Variants in MYH9 observed in about 807,000 individuals in gnomAD.
MYH9 encodes myosin-9.
Under a neutral mutation model 241.9 loss-of-function variants are expected in MYH9, and 29 were observed. That is an observed-to-expected ratio of 0.12 (90% CI 0.09 to 0.16). MYH9 has a LOEUF of 0.16. MYH9 is among the 10% of genes least tolerant of loss of function. MYH9 has a pLI of 1.00. For synonymous variants in MYH9, 1,047 were observed against 1,062.6 expected (o/e 0.99, Z 0.29); for missense variants, 1,803 against 2,595.5 (o/e 0.69, Z 6.63).
chr22:36,376,225 T>C (rs2018164998), intron 1 of MYH9, among the ~76,000 whole-genome samples: 1 of 152,122 alleles, frequency 6.6e-6, no homozygotes, highest in East Asian at 1.9e-4. Flanking sequence ...CCTCCCAAAA[T>C]GCTGGGATTA....
At chr22:36,385,425 T>C (rs535479002) in intron 1 of MYH9, among the ~76,000 whole-genome samples, 3 of 152,254 alleles carry the variant, frequency 2.0e-5, no homozygotes, top group African/African-American at 7.2e-5. Flanking sequence ...TTAGTGTGTT[T>C]TTCTTCTTTT....
intron 38 of MYH9, 84 bp from the exon 39 acceptor site, chr22:36,284,595 C>T (rs1447721296): frequency 5.3e-6 from 7 of 1,326,326 alleles, no homozygotes; most frequent in Non-Finnish European, 7.5e-6. Context: ...CCACCCATTC[C>T]CCGGGGCTCA....
intron 3 of MYH9, among the ~76,000 whole-genome samples, chr22:36,334,354 C>CTGG (rs781689846): frequency 2.0e-5 from 3 of 152,232 alleles, no homozygotes; most frequent in Admixed American, 6.5e-5. Flanking sequence ...CAGCACCTGT[C>CTGG]TGGTCCACCA....
intron 5 of MYH9, among the ~76,000 whole-genome samples, chr22:36,323,542 G>A (rs765559828): frequency 1.3e-4 from 20 of 152,276 alleles, no homozygotes; most frequent in East Asian, 7.7e-4. Flanking sequence ...AACAGCAGCC[G>A]CCTGTGAGTG....
At position 36,295,743 on chromosome 22, in the gene MYH9, T is replaced by C; in HGVS notation, c.3273-26A>G. On this transcript the variant is annotated intron_variant, in intron 25 of 40. Transcript: ENST00000216181. This position sits in a 1 kb window ranked among gnomAD's most constrained non-coding sequence, Gnocchi z 4.1. ...CTGCCAAAGCGACCAGCAACATCAG[T>C]ATAAGGAGAGTTTCACCTCCAAGGA... 6.2e-7 allele frequency: 1 copy of C among 1,601,454 alleles called. No homozygotes were observed. The highest frequency in any genetic ancestry group is 8.5e-7 in the Non-Finnish European group (1 of 1,172,658).
chr22:36,369,923 C>G (rs73167654), intron 1 of MYH9, among the ~76,000 whole-genome samples: 2,250 of 152,268 alleles, frequency 0.015, 36 homozygotes, highest in Non-Finnish European at 0.024. Context: ...AATACTGCCA[C>G]CTTCATGGGA....
intron 15 of MYH9, chr22:36,308,835 G>T (rs925415019): frequency 1.0e-6 from 1 of 985,420 alleles, no homozygotes; most frequent in Non-Finnish European, 1.2e-6. Context: ...ATAGGAAAGC[G>T]ATGATAGAAA....
intron 5 of MYH9, among the ~76,000 whole-genome samples, chr22:36,324,524 C>G (rs5756155): frequency 6.6e-6 from 1 of 152,120 alleles, no homozygotes; most frequent in African/African-American, 2.4e-5. Context: ...TGCCAACCTG[C>G]GGCCCAGGCC....
rs746591998 is a variant in MYH9, at chr22:36,306,703, G to A, written c.1844-96C>T. ...AGAGAGACAGGCACACGTCGGACAG[G>A]AAAAGAGGAGACAGAATGAAACAAC... is the stretch of plus-strand genomic sequence containing the variant. On this transcript the variant is annotated intron_variant, in intron 15 of 40. Coordinates refer to ENST00000216181, the MANE Select transcript of MYH9 (RefSeq NM_002473.6). The surrounding 1 kb of genome is among the most constrained non-coding windows in gnomAD (Gnocchi z 4.1). 8.4e-7 allele frequency: 1 copy of A among 1,197,236 alleles called. No homozygotes were observed. Among genetic ancestry groups the A allele is most frequent in the Non-Finnish European group, 1.2e-6 (1 of 836,274 alleles). 74.2% of individuals were successfully genotyped at this position (1,197,236 alleles called of 1,614,324 possible).
At chr22:36,347,907 A>C (rs1297644938) in intron 2 of MYH9, among the ~76,000 whole-genome samples, 3 of 151,816 alleles carry the variant, frequency 2.0e-5, no homozygotes, top group Non-Finnish European at 4.4e-5. Context: ...GGAACAAAGC[A>C]GGAAACCAGG....
chr22:36,376,274 AATT>A (rs2018165946), intron 1 of MYH9, among the ~76,000 whole-genome samples: 1 of 152,030 alleles, frequency 6.6e-6, no homozygotes, highest in African/African-American at 2.4e-5. Flanking sequence ...AAACTTTAAT[AATT>A]ATAATTAATA....
At chr22:36,298,027 G>A (rs989771151) in intron 24 of MYH9, among the ~76,000 whole-genome samples, 7 of 152,060 alleles carry the variant, frequency 4.6e-5, no homozygotes, top group Admixed American at 3.3e-4. Flanking sequence ...CAAGTCTTCC[G>A]GGCTCCTCCC....
intron 35 of MYH9, among the ~76,000 whole-genome samples, chr22:36,286,499 T>C (rs2016583169): frequency 2.6e-5 from 4 of 152,186 alleles, no homozygotes; most frequent in Admixed American, 2.6e-4. Context: ...TCATCTCATG[T>C]GAGGGATGCC....
At chr22:36,386,750 CTGAG>C (rs2018358051) in intron 1 of MYH9, among the ~76,000 whole-genome samples, 1 of 152,214 alleles carries the variant, frequency 6.6e-6, no homozygotes, top group African/African-American at 2.4e-5. Context: ...GCTGGGGGTG[CTGAG>C]TCTCAGTTTG....
At chr22:36,324,931 A>T (rs1311548200) in intron 5 of MYH9, 2 of 635,158 alleles carry the variant, frequency 3.1e-6, no homozygotes, top group African/African-American at 3.7e-5. Context: ...AAGGCATATG[A>T]TCTATTTCAC....
Position 36,300,087 on chromosome 22 carries a change from C to T in MYH9, c.2976+40G>A, listed in dbSNP as rs200460663. 1.3e-4 allele frequency: 213 copies of T among 1,604,740 alleles called. No homozygotes were observed. The highest frequency in any genetic ancestry group is 5.3e-4 in the Admixed American group (32 of 60,030). ...GGTGACCACACTCTCCCATCCACGGCGCCCCTGGAGCAGCGGCAGGCGACA... is the reference window on the plus strand; with the variant it reads ...GGTGACCACACTCTCCCATCCACGGTGCCCCTGGAGCAGCGGCAGGCGACA... On this transcript the variant is annotated intron_variant, in intron 23 of 40. Transcript: ENST00000216181. The surrounding 1 kb of genome is among the most constrained non-coding windows in gnomAD (Gnocchi z 5.0).
At chr22:36,325,230 C>A (rs903712442) in intron 5 of MYH9, 1 of 655,658 alleles carries the variant, frequency 1.5e-6, no homozygotes, top group Non-Finnish European at 2.7e-6. Flanking sequence ...CTAAATATAA[C>A]TCCTGACGCC....
chr22:36,293,430 T>C lies in MYH9; in HGVS notation c.3994A>G (p.Lys1332Glu). The C allele has an allele frequency of 6.2e-7, 1 of 1,613,842 alleles. No homozygotes were observed. Among genetic ancestry groups the C allele is most frequent in the Non-Finnish European group, 8.5e-7 (1 of 1,179,936 alleles). The change falls in exon 30 of 41, where the codon AAG (lysine) becomes GAG (glutamate). Residue 1332 changes from lysine to glutamate, a missense_variant. By Grantham distance (56) the Lys-to-Glu change is moderately conservative. Around this residue, in one of 11 missense-constraint regions of MYH9, gnomAD observed 876 missense variants for 1,077.8 expected, o/e 0.81. Coordinates refer to ENST00000216181, the MANE Select transcript of MYH9 (RefSeq NM_002473.6). This position sits in a 1 kb window ranked among gnomAD's most constrained non-coding sequence, Gnocchi z 5.1. ...GAATTCTTCTCGTCCTCCACCTGCT[T>C]GAGCTTGGTGCTCAGGCTCAGCTTC... ...RQKLSLSTKL[K>E]QVEDEKNSFR...
At chr22:36,312,418 C>T (rs2017079600) in intron 13 of MYH9, among the ~76,000 whole-genome samples, 196 bp from the exon 14 acceptor site, 2 of 152,206 alleles carry the variant, frequency 1.3e-5, no homozygotes, top group African/African-American at 4.8e-5. Flanking sequence ...GCGGCTGACA[C>T]CTTTACCCAA....
Sources: gnomAD v4.1 joint callset for allele counts (sites outside exome capture counted in the v4.1 genomes callset) on GRCh38, gnomAD v4.1.1 for gene constraint, gnomAD v4.1.1 regional missense constraint, Gnocchi (gnomAD v3.1) non-coding constraint, MANE v1.5 for transcripts, NCBI Gene and HGNC (gene_info 2026-07-23, HGNC 2026-07-21) for gene names.